The following OXR1 variants were observed in gnomAD, a reference collection of about 807,000 sequenced individuals.
OXR1 encodes the protein oxidation resistance protein 1.
In OXR1, 41 loss-of-function variants were observed where a neutral mutation model predicts 104.6. The observed-to-expected ratio is 0.39, with a 90% CI of 0.31 to 0.51. OXR1 has a LOEUF of 0.51. OXR1 is among the 20% of genes least tolerant of loss of function. OXR1 has a pLI of 0.77. For synonymous variants in OXR1, 348 were observed against 348.4 expected, an observed-to-expected ratio of 1.00 and a Z score of 0.01; for missense variants, 955 against 1,031.9, an observed-to-expected ratio of 0.93 and a Z score of 1.02.
intron 1 of OXR1, among the ~76,000 whole-genome samples, chr8:106,358,572 C>T (rs891647130): frequency 6.6e-6 from 1 of 152,138 alleles, no homozygotes; most frequent in African/African-American, 2.4e-5. Context: ...GGATAGTGTA[C>T]GTTCACATAG....
intron 3 of OXR1, among the ~76,000 whole-genome samples, chr8:106,614,990 T>G (rs1201194825): frequency 6.6e-6 from 1 of 152,214 alleles, no homozygotes; most frequent in East Asian, 1.9e-4. Context: ...GTGCTGCTTC[T>G]GTGTGTATGA....
intron 10 of OXR1, among the ~76,000 whole-genome samples, chr8:106,713,518 T>C (rs960309414): frequency 1.3e-5 from 2 of 152,108 alleles, no homozygotes; most frequent in African/African-American, 4.8e-5. Context: ...GTGTATCTAA[T>C]TTCCTTTTCC....
At position 106,521,040 on chromosome 8, in the gene OXR1, A is replaced by G. The variant is rs879512117; in HGVS notation, c.220+1901A>G. 5.9e-5 allele frequency among the ~76,000 whole-genome samples: 9 copies of G among 152,316 alleles called. 1 individual carries two copies. The highest frequency in any genetic ancestry group is 5.2e-4 in the Admixed American group (8 of 15,306). ...TTGGTAACAATTTGATTCATAATCA[A>G]TGGGAGTGGCATGTCTATTGTGTTA... On this transcript the variant is annotated intron_variant, in intron 3 of 16. Coordinates refer to ENST00000517566, the MANE Select transcript of OXR1 (RefSeq NM_001198533.2).
intron 3 of OXR1, among the ~76,000 whole-genome samples, chr8:106,574,394 A>G (rs767115588): frequency 6.6e-6 from 1 of 152,174 alleles, no homozygotes; most frequent in Non-Finnish European, 1.5e-5. Context: ...AGTGGAAAAA[A>G]AGGGGGGAAA....
chr8:106,435,598 A>G (rs1003265212), intron 2 of OXR1, among the ~76,000 whole-genome samples: 2 of 152,194 alleles, frequency 1.3e-5, no homozygotes, highest in African/African-American at 4.8e-5. Flanking sequence ...TGTCCCATGT[A>G]AAGAACCAGT....
intron 2 of OXR1, among the ~76,000 whole-genome samples, chr8:106,454,134 A>G (rs1189724263): frequency 2.6e-5 from 4 of 152,304 alleles, no homozygotes; most frequent in East Asian, 1.9e-4. Flanking sequence ...ATCTCTTTCT[A>G]CCTGCAAATC....
chr8:106,377,369 A>G (rs759949088), intron 2 of OXR1, among the ~76,000 whole-genome samples: 25 of 152,248 alleles, frequency 1.6e-4, no homozygotes, highest in Admixed American at 1.2e-3. Flanking sequence ...AAAAATTTAT[A>G]GAGATGAGGT....
chr8:106,376,673 C>A, intron 2 of OXR1, among the ~76,000 whole-genome samples: 1 of 152,190 alleles, frequency 6.6e-6, no homozygotes, highest in East Asian at 1.9e-4. Context: ...ATTGATGTCA[C>A]TAATTGATAA....
chr8:106,559,047 T>C (rs984622208), intron 3 of OXR1, among the ~76,000 whole-genome samples: 1 of 152,196 alleles, frequency 6.6e-6, no homozygotes, highest in Non-Finnish European at 1.5e-5. Context: ...TTTTCTTGCA[T>C]TTTTCTATAA....
chr8:106,331,916 T>C (rs907190494), intron 1 of OXR1, among the ~76,000 whole-genome samples: 2 of 147,852 alleles, frequency 1.4e-5, no homozygotes, highest in African/African-American at 5.2e-5. Flanking sequence ...CCAGCCTGGG[T>C]GACAGCGAGA....
chr8:106,702,966 A>G lies in OXR1; in HGVS notation c.736A>G (p.Asn246Asp). 1.9e-6 allele frequency: 3 copies of G among 1,613,798 alleles called. No individual in the cohort carries two copies. In the South Asian group the frequency reaches 3.3e-5, roughly 18 times the overall value. The change falls in exon 8 of 17, where the codon AAT (asparagine) becomes GAT (aspartate). Residue 246 changes from asparagine to aspartate, a missense_variant. Physicochemically the swap from Asn to Asp is conservative, Grantham distance 23. Around this residue, in one of 2 missense-constraint regions of OXR1, gnomAD observed 849 missense variants for 852.9 expected, o/e 1.00. Coordinates refer to ENST00000517566, the MANE Select transcript of OXR1 (RefSeq NM_001198533.2). ...TAATATAATGTTTGATCCACATAAA[A>G]ATGACCCTTTGGTTCAAGAGAATGG... ...PNNIMFDPHKNDPLVQENGCE... is the reference protein window; with the variant it reads ...PNNIMFDPHKDDPLVQENGCE...
intron 3 of OXR1, among the ~76,000 whole-genome samples, chr8:106,639,006 T>A (rs1823407034): frequency 6.6e-6 from 1 of 152,050 alleles, no homozygotes; most frequent in Admixed American, 6.5e-5. Context: ...CAGCATCCCA[T>A]CTATGAAATA....
At chr8:106,668,701 C>A (rs936937634) in intron 3 of OXR1, among the ~76,000 whole-genome samples, 1 of 152,096 alleles carries the variant, frequency 6.6e-6, no homozygotes, top group South Asian at 2.1e-4. Flanking sequence ...GGCTTAGTAA[C>A]AATAATATAG....
Position 106,398,678 on chromosome 8 carries a change from A to T in OXR1, c.23+39042A>T, listed in dbSNP as rs116996083. 9.5e-4 allele frequency among the ~76,000 whole-genome samples: 145 copies of T among 152,158 alleles called. 3 individuals are homozygous for T. The East Asian group carries it at 0.026, about 27-fold the overall frequency. ...TCCAGATGCCTTCTTTAACTCTACTATCTTTAAGTTTCCCTCTTCCCTTCT... is the reference window on the plus strand; with the variant it reads ...TCCAGATGCCTTCTTTAACTCTACTTTCTTTAAGTTTCCCTCTTCCCTTCT... On this transcript the variant is annotated intron_variant, in intron 2 of 16. Transcript: ENST00000517566.
At chr8:106,613,982 T>C (rs551243729) in intron 3 of OXR1, among the ~76,000 whole-genome samples, 30 of 152,320 alleles carry the variant, frequency 2.0e-4, no homozygotes, top group African/African-American at 6.5e-4. Flanking sequence ...AGTGTTCATT[T>C]TGGTGTTCTG....
At chr8:106,725,939 A>G (rs1383080363) in intron 11 of OXR1, 4 of 282,470 alleles carry the variant, frequency 1.4e-5, no homozygotes, top group Non-Finnish European at 1.3e-5. Flanking sequence ...TTGGAAATAT[A>G]GGCTCTGTGT....
intron 1 of OXR1, among the ~76,000 whole-genome samples, chr8:106,313,015 C>A (rs1813773653): frequency 6.6e-6 from 1 of 151,968 alleles, no homozygotes; most frequent in African/African-American, 2.4e-5. Flanking sequence ...TTATTAGAAA[C>A]GTGATTATAA....
At chr8:106,557,851 TTTG>T (rs1224609929) in intron 3 of OXR1, among the ~76,000 whole-genome samples, 11 of 152,208 alleles carry the variant, frequency 7.2e-5, no homozygotes, top group Non-Finnish European at 1.5e-5. Context: ...CCTTGTTCCT[TTTG>T]TTTTTATTTT....
intron 1 of OXR1, among the ~76,000 whole-genome samples, chr8:106,332,524 T>A (rs2130231770): frequency 6.6e-6 from 1 of 152,298 alleles, no homozygotes; most frequent in African/African-American, 2.4e-5. Flanking sequence ...GCACCTTATA[T>A]CGGAGACCCA....
Sources: gnomAD v4.1 joint callset for allele counts (sites outside exome capture counted in the v4.1 genomes callset) on GRCh38, gnomAD v4.1.1 for gene constraint, gnomAD v4.1.1 regional missense constraint, MANE v1.5 for transcripts, NCBI Gene and HGNC (gene_info 2026-07-23, HGNC 2026-07-21) for gene names.